Variants in TBC1D1 observed in about 807,000 individuals in gnomAD.
TBC1D1 encodes the protein TBC1 (tre-2/USP6, BUB2, cdc16) domain family, member 1.
Under a neutral mutation model 125.6 loss-of-function variants are expected in TBC1D1, and 89 were observed. The observed-to-expected ratio is 0.71, with a 90% confidence interval of 0.60 to 0.85. TBC1D1 has a LOEUF of 0.85. TBC1D1 is among the 40% of genes least tolerant of loss of function. The pLI is 0.00. For missense variants in TBC1D1, 1,377 were observed against 1,469.2 expected (o/e 0.94, Z 1.03); for synonymous variants, 565 against 564.1 (o/e 1.00, Z -0.02).
chr4:37,925,513 C>T (rs1721897440), intron 2 of TBC1D1, among the ~76,000 whole-genome samples: 2 of 152,028 alleles, frequency 1.3e-5, no homozygotes, highest in South Asian at 2.1e-4. Flanking sequence ...GTCAAGAAAT[C>T]GAGACCATCC....
At chr4:38,098,019 G>A (rs1759670250) in intron 14 of TBC1D1, among the ~76,000 whole-genome samples, 1 of 152,216 alleles carries the variant, frequency 6.6e-6, no homozygotes, top group Non-Finnish European at 1.5e-5. Flanking sequence ...GCCTCCTGTT[G>A]AACAGGATCT....
chr4:37,963,042 G>A (rs1730356824), intron 2 of TBC1D1, among the ~76,000 whole-genome samples: 1 of 152,096 alleles, frequency 6.6e-6, no homozygotes, highest in Admixed American at 6.5e-5. Context: ...GCCTTGGCAT[G>A]AGACATGAAA....
At chr4:38,107,140 G>C (rs773384674) in intron 15 of TBC1D1, among the ~76,000 whole-genome samples, 1 of 152,202 alleles carries the variant, frequency 6.6e-6, no homozygotes, top group South Asian at 2.1e-4. Flanking sequence ...TCTCTCTCCA[G>C]GCTTTTTCCA....
chr4:37,912,546 C>T (rs538888699), intron 2 of TBC1D1, among the ~76,000 whole-genome samples: 20 of 152,316 alleles, frequency 1.3e-4, no homozygotes, highest in Non-Finnish European at 1.5e-5. Context: ...AAAGTTGCTG[C>T]TGTGGTCTGA....
chr4:38,028,941 AC>A (rs1745613575), intron 7 of TBC1D1, among the ~76,000 whole-genome samples: 1 of 152,144 alleles, frequency 6.6e-6, no homozygotes, highest in South Asian at 2.1e-4. Context: ...AATATATCAA[AC>A]CTACAAAAAC....
chr4:38,065,730 C>G (rs1753610785), intron 12 of TBC1D1, among the ~76,000 whole-genome samples: 1 of 149,572 alleles, frequency 6.7e-6, no homozygotes, highest in African/African-American at 2.5e-5. Flanking sequence ...ACTGCAACCT[C>G]TACCTCCCAG....
At chr4:38,000,063 T>C (rs1337661874) in intron 2 of TBC1D1, among the ~76,000 whole-genome samples, 3 of 152,234 alleles carry the variant, frequency 2.0e-5, no homozygotes, top group Non-Finnish European at 4.4e-5. Flanking sequence ...GCTCTTCATG[T>C]TGATTTTAAT....
At chr4:37,987,681 A>G (rs547806764) in intron 2 of TBC1D1, among the ~76,000 whole-genome samples, 2 of 152,326 alleles carry the variant, frequency 1.3e-5, no homozygotes, top group African/African-American at 4.8e-5. Flanking sequence ...TAAGAGAAAA[A>G]TCACATAGAA....
At chr4:37,988,036 A>G (rs1413736787) in intron 2 of TBC1D1, among the ~76,000 whole-genome samples, 1 of 152,224 alleles carries the variant, frequency 6.6e-6, no homozygotes, top group Non-Finnish European at 1.5e-5. Context: ...AGCCTTGGCT[A>G]GGCGACAGTG....
At chr4:37,991,568 G>T (rs1736571847) in intron 2 of TBC1D1, among the ~76,000 whole-genome samples, 1 of 152,048 alleles carries the variant, frequency 6.6e-6, no homozygotes, top group South Asian at 2.1e-4. Flanking sequence ...ACCTGGTAAG[G>T]CTTGTGAGTT....
intron 2 of TBC1D1, among the ~76,000 whole-genome samples, chr4:37,940,039 G>GT (rs1725217422): frequency 1.3e-5 from 2 of 152,166 alleles, no homozygotes; most frequent in Non-Finnish European, 2.9e-5. Flanking sequence ...CTTTAAAGTA[G>GT]TTTTTTCCAA....
intron 12 of TBC1D1, among the ~76,000 whole-genome samples, chr4:38,067,463 C>T (rs1753937917): frequency 6.6e-6 from 1 of 152,188 alleles, no homozygotes; most frequent in African/African-American, 2.4e-5. Flanking sequence ...GGACGGCTTT[C>T]CTTCTTCTTA....
intron 19 of TBC1D1, 147 bp downstream of exon 21, chr4:38,133,404 G>A (rs902316523): frequency 1.6e-5 from 10 of 641,280 alleles, no homozygotes; most frequent in South Asian, 9.5e-5. Flanking sequence ...AAGGTATCCC[G>A]GGAGAATGGG....
rs769983846 is a variant in TBC1D1, at chr4:38,118,053, G to A, written c.2823G>A (p.Ser941=). The change falls in exon 17 of 20, where the codon TCG becomes TCA. Residue 941 remains serine, a synonymous_variant. Coordinates refer to ENST00000261439, the MANE Select transcript of TBC1D1 (RefSeq NM_015173.4). Reference sequence around the variant, plus strand: ...TGCAGATCCAGATGTACCAGCTCTCGAGGTTGCTTCATGATTACCACAGAG... The same window carrying A: ...TGCAGATCCAGATGTACCAGCTCTCAAGGTTGCTTCATGATTACCACAGAG... 5.0e-6 allele frequency: 8 copies of A among 1,614,010 alleles called. No homozygotes were observed. Among genetic ancestry groups the A allele is most frequent in the South Asian group, 4.4e-5 (4 of 91,082 alleles).
intron 12 of TBC1D1, 101 bp from the exon 15 acceptor site, chr4:38,089,831 T>C: frequency 8.2e-7 from 1 of 1,217,272 alleles, no homozygotes; most frequent in Non-Finnish European, 1.1e-6. Context: ...GATATTATTA[T>C]ATTTTATCTG....
At chr4:38,030,284 C>T (rs1473617554) in intron 7 of TBC1D1, 2 of 152,350 alleles carry the variant, frequency 1.3e-5, no homozygotes, top group Middle Eastern at 3.4e-3. Flanking sequence ...ATGGTAAAGA[C>T]ACTTTAGAAC....
At chr4:38,051,834 T>C in intron 11 of TBC1D1, 65 bp from the exon 12 acceptor site, 3 of 1,494,628 alleles carry the variant, frequency 2.0e-6, no homozygotes, top group Non-Finnish European at 2.7e-6. Flanking sequence ...ACCTGTTTGC[T>C]CCGTGTCCCT....
At chr4:38,117,735 C>G (rs1763207088) in intron 16 of TBC1D1, among the ~76,000 whole-genome samples, 1 of 152,150 alleles carries the variant, frequency 6.6e-6, no homozygotes, top group African/African-American at 2.4e-5. Context: ...AATGTTTGCA[C>G]AAGACAGATT....
intron 2 of TBC1D1, among the ~76,000 whole-genome samples, chr4:37,933,063 AC>A (rs1489934270): frequency 5.9e-5 from 9 of 151,774 alleles, no homozygotes; most frequent in African/African-American, 2.2e-4. Context: ...AAACAAAAAA[AC>A]AAAAAAACAA....
Sources: allele counts gnomAD v4.1 joint callset (sites outside exome capture counted in the v4.1 genomes callset), GRCh38; gene constraint gnomAD v4.1.1; transcripts MANE v1.5; gene names NCBI Gene and HGNC (gene_info 2026-07-23, HGNC 2026-07-21).